DDRGK1: variants seen among roughly 807,000 people sequenced by gnomAD.
DDRGK1 encodes DDRGK domain containing 1.
A neutral mutation model predicts 45.8 loss-of-function variants in DDRGK1; 38 were observed. That is an observed-to-expected ratio of 0.83 (90% CI 0.64 to 1.09). The LOEUF is 1.09. Among genes scored for constraint, DDRGK1 ranks in the 50% least tolerant of loss-of-function variants. The pLI, the probability that DDRGK1 is intolerant of heterozygous loss-of-function variation, is 0.00. For synonymous variants in DDRGK1, 171 were observed against 168.7 expected, an observed-to-expected ratio of 1.01 and a Z score of -0.11; for missense variants, 403 against 419.9, an observed-to-expected ratio of 0.96 and a Z score of 0.35.
intron 1 of DDRGK1, 53 bp from the exon 2 acceptor site, chr20:3,203,469 G>T: frequency 6.9e-7 from 1 of 1,450,774 alleles, no homozygotes; most frequent in Non-Finnish European, 9.1e-7. Flanking sequence ...CCCGGCCCAT[G>T]GCAGGAGGAG....
In DDRGK1 at chr20:3,200,805, A is replaced by G. The variant is rs139614634; in HGVS notation, c.296-351T>C. On this transcript the variant is annotated intron_variant, in intron 2 of 8. Coordinates refer to ENST00000354488, the MANE Select transcript of DDRGK1 (RefSeq NM_023935.3). The stretch of plus-strand genomic sequence containing the variant: ...ATCCTGGCAATCATGGTGAAACCCC[A>G]TCTCTACTAAAAGTACAAAAAAGGG... 3.6e-4 allele frequency among the ~76,000 whole-genome samples: 54 copies of G among 152,106 alleles called. No individual in the cohort carries two copies. The East Asian group carries it at 7.9e-3, about 22-fold the overall frequency.
intron 6 of DDRGK1, among the ~76,000 whole-genome samples, chr20:3,193,413 C>T (rs2066997522): frequency 1.3e-5 from 2 of 152,152 alleles, no homozygotes. Context: ...CTCTGTCGCC[C>T]AGGCTGGAGT....
chr20:3,201,154 G>T (rs1476040482), intron 2 of DDRGK1, among the ~76,000 whole-genome samples: 2 of 151,650 alleles, frequency 1.3e-5, no homozygotes, highest in African/African-American at 4.8e-5. Flanking sequence ...CATGGTGGCG[G>T]GTGCCTGTAG....
chr20:3,203,366 C>A lies in DDRGK1; in HGVS notation c.142G>T (p.Ala48Ser). Residue 48 changes from alanine to serine, a missense_variant, in exon 2 of 9, where the codon GCC becomes TCC. Transcript: ENST00000354488. ...TCAGGCTCCAGGGGCCCAGGCTGGG[C>A]CACCCGGCCTGCTCCTGCCAGCTCC... ...NEELAGAGRV[A>S]QPGPLEPEEP... 1 of 1,607,064 alleles carries A rather than the reference C, an allele frequency of 6.2e-7. No homozygotes were observed. The highest frequency in any genetic ancestry group is 8.5e-7 in the Non-Finnish European group (1 of 1,176,518).
intron 8 of DDRGK1, 144 bp from the exon 9 acceptor site, chr20:3,190,963 G>C: frequency 7.5e-7 from 1 of 1,340,848 alleles, no homozygotes; most frequent in Non-Finnish European, 1.0e-6. Context: ...ATCCAGTCCT[G>C]CTAGGAGAGT....
intron 4 of DDRGK1, among the ~76,000 whole-genome samples, chr20:3,196,953 T>C (rs908181100): frequency 2.0e-5 from 3 of 152,120 alleles, no homozygotes; most frequent in South Asian, 2.1e-4. Flanking sequence ...TCGGGCACGG[T>C]GGCTCACGCT....
intron 4 of DDRGK1, among the ~76,000 whole-genome samples, chr20:3,196,831 A>G (rs968113127): frequency 5.3e-5 from 8 of 151,590 alleles, no homozygotes; most frequent in Admixed American, 1.3e-4. Context: ...AGGGCTCCCA[A>G]TGGTCAAAGC....
Position 3,203,203 on chromosome 20 carries a change from C to G in DDRGK1, c.295+10G>C. Reference sequence around the variant, plus strand: ...CAAACCCTCTCCCCACCAGGCTGGGCCCCTCTCACCTAGGATGACAGCTTC... The same window carrying G: ...CAAACCCTCTCCCCACCAGGCTGGGGCCCTCTCACCTAGGATGACAGCTTC... On this transcript the variant is annotated intron_variant, in intron 2 of 8. Coordinates refer to ENST00000354488, the MANE Select transcript of DDRGK1 (RefSeq NM_023935.3). 6.4e-7 allele frequency: 1 copy of G among 1,552,396 alleles called. No homozygotes were observed. Among genetic ancestry groups the G allele is most frequent in the Non-Finnish European group, 8.7e-7 (1 of 1,147,852 alleles).
chr20:3,199,088 G>C (rs74180383), intron 4 of DDRGK1, among the ~76,000 whole-genome samples: 9 of 152,014 alleles, frequency 5.9e-5, no homozygotes, highest in African/African-American at 2.2e-4. Flanking sequence ...CTGGGAGGCA[G>C]AGGTTGCAGT....
chr20:3,199,340 C>T (rs1204997225), intron 4 of DDRGK1, among the ~76,000 whole-genome samples: 3 of 152,122 alleles, frequency 2.0e-5, no homozygotes, highest in East Asian at 1.9e-4. Flanking sequence ...AAGGAAAAAA[C>T]CCTCTCTGCT....
At position 3,204,594 on chromosome 20, in the gene DDRGK1, C is replaced by T; in HGVS notation, c.34G>A (p.Ala12Thr). ...AAGAGGATAAAGCCGACTAGCAGAG[C>T]CGCCGCTACCAAGTACCACACAGGC... ...VAPVWYLVAA[A>T]LLVGFILFLT... Residue 12 changes from alanine (A) to threonine (T), a missense_variant, in exon 1 of 9, where the codon GCT becomes ACT. Physicochemically the swap from Ala to Thr is moderately conservative, Grantham distance 58. Transcript: ENST00000354488. 1.3e-6 allele frequency: 2 copies of T among 1,588,332 alleles called. No homozygotes were observed. The highest frequency in any genetic ancestry group is 1.7e-6 in the Non-Finnish European group (2 of 1,171,902).
chr20:3,202,694 G>A (rs934400013), intron 2 of DDRGK1, among the ~76,000 whole-genome samples: 6 of 152,182 alleles, frequency 3.9e-5, no homozygotes, highest in East Asian at 1.9e-4. Context: ...TCTGAGAAAC[G>A]CCCAGACGCC....
rs756386231 is a variant in DDRGK1 at position 3,200,426 on chromosome 20, T to C, written c.324A>G (p.Pro108=). 1.3e-6 allele frequency: 2 copies of C among 1,580,956 alleles called. No homozygotes were observed. ...TTTTCCCCGACAGGTGAGTTTCCGCTGGCTTCTCGACACCTTCCTCCTCCT... is the reference window on the plus strand; with the variant it reads ...TTTTCCCCGACAGGTGAGTTTCCGCCGGCTTCTCGACACCTTCCTCCTCCT... ...LAQEEEGVEK[P]AETHLSGKIG... is the part of the protein sequence containing the mutation. Residue 108 remains proline (P), a synonymous_variant, in exon 3 of 9, where the codon CCA becomes CCG. Transcript: ENST00000354488.
rs953395630 is a variant in DDRGK1 at position 3,192,300 on chromosome 20, A to G, written c.673-479T>C. The stretch of plus-strand genomic sequence containing the variant: ...ATGCTTGCTGAGGACCTACTAGAAC[A>G]AGGCCCTGAGAAGGTAGGAGGGACA... On this transcript the variant is annotated intron_variant, in intron 6 of 8. Coordinates refer to ENST00000354488, the MANE Select transcript of DDRGK1 (RefSeq NM_023935.3). 3.3e-5 allele frequency among the ~76,000 whole-genome samples: 5 copies of G among 152,206 alleles called. No individual in the cohort carries two copies. The East Asian group carries it at 9.6e-4, about 29-fold the overall frequency.
chr20:3,193,517 T>C (rs1422161834), intron 6 of DDRGK1, among the ~76,000 whole-genome samples: 1 of 152,106 alleles, frequency 6.6e-6, no homozygotes. Context: ...ACTACAGGTG[T>C]GCACCACCAT....
At chr20:3,195,105 G>A in intron 5 of DDRGK1, 126 bp downstream of exon 5, 3 of 1,517,424 alleles carry the variant, frequency 2.0e-6, no homozygotes, top group African/African-American at 1.4e-5. Context: ...AAGCCTGCTG[G>A]TACTGATGCC....
At position 3,200,434 on chromosome 20, in the gene DDRGK1, C is replaced by A; in HGVS notation, c.316G>T (p.Glu106Ter). The change falls in exon 3 of 9, where the codon GAG becomes TAG. Residue 106 changes from glutamate to a stop codon, truncating the protein, a stop_gained. Coordinates refer to ENST00000354488, the MANE Select transcript of DDRGK1 (RefSeq NM_023935.3). LOFTEE classifies it high-confidence loss of function. ...GACAGGTGAGTTTCCGCTGGCTTCT[C>A]GACACCTTCCTCCTCCTGGGCTGGG... is the stretch of plus-strand genomic sequence containing the variant. The part of the protein sequence containing the change: ...VILAQEEEGV[E>*]KPAETHLSGK... The A allele has an allele frequency of 6.3e-7, 1 of 1,577,460 alleles. No individual in the cohort carries two copies. The highest frequency in any genetic ancestry group is 2.3e-5 in the East Asian group (1 of 43,222).
At chr20:3,194,385 C>T (rs1176919022) in intron 6 of DDRGK1, among the ~76,000 whole-genome samples, 3 of 152,216 alleles carry the variant, frequency 2.0e-5, no homozygotes, top group African/African-American at 4.8e-5. Context: ...GACACACTGC[C>T]GCCCCACCCT....
chr20:3,197,799 G>A (rs1349018594), intron 4 of DDRGK1, among the ~76,000 whole-genome samples: 3 of 151,718 alleles, frequency 2.0e-5, no homozygotes, highest in Non-Finnish European at 2.9e-5. Flanking sequence ...GTGTGGTGGT[G>A]CACGTCTGTC....
Sources: allele counts gnomAD v4.1 joint callset (sites outside exome capture counted in the v4.1 genomes callset), GRCh38; gene constraint gnomAD v4.1.1; transcripts MANE v1.5; gene names NCBI Gene and HGNC (gene_info 2026-07-23, HGNC 2026-07-21).